Variants in MTOR observed in about 807,000 individuals in gnomAD.
MTOR encodes the protein mechanistic target of rapamycin kinase, also known as serine/threonine-protein kinase mTOR.
A neutral mutation model predicts 319.8 loss-of-function variants in MTOR; 70 were observed. That is an observed-to-expected ratio of 0.22 (90% CI 0.18 to 0.27). MTOR has a LOEUF of 0.27. Ranked by LOEUF, MTOR falls within the 10% of genes least tolerant of loss-of-function variation. MTOR has a pLI of 1.00. For synonymous variants in MTOR, 1,183 were observed against 1,211.4 expected (o/e 0.98, Z 0.49); for missense variants, 1,890 against 3,274.4 (o/e 0.58, Z 10.32).
chr1:11,193,411 C>T (rs113931487), intron 28 of MTOR, among the ~76,000 whole-genome samples: 3 of 152,338 alleles, frequency 2.0e-5, no homozygotes, highest in African/African-American at 7.2e-5. Context: ...ACCACCCACC[C>T]CAGCTCACCA....
At chr1:11,145,440 G>A (rs1050298907) in intron 32 of MTOR, among the ~76,000 whole-genome samples, 73 of 151,986 alleles carry the variant, frequency 4.8e-4, no homozygotes, top group African/African-American at 1.7e-3. Context: ...GCAGTGGTGT[G>A]ATCTTGGCTC....
chr1:11,188,599 C>T (rs1256607895), intron 28 of MTOR, among the ~76,000 whole-genome samples: 2 of 152,214 alleles, frequency 1.3e-5, no homozygotes, highest in African/African-American at 2.4e-5. Context: ...CTTGGCACTG[C>T]TGAGTTTTCA....
chr1:11,123,589 C>T (rs1330674351), intron 47 of MTOR, among the ~76,000 whole-genome samples: 1 of 152,126 alleles, frequency 6.6e-6, no homozygotes, highest in African/African-American at 2.4e-5. Flanking sequence ...CTGCCTCCAT[C>T]TCCCAAGGAG....
chr1:11,137,591 G>A (rs1013828149), intron 36 of MTOR, among the ~76,000 whole-genome samples: 2 of 152,158 alleles, frequency 1.3e-5, no homozygotes, highest in African/African-American at 4.8e-5. Context: ...ATAAATGAAG[G>A]ACCTGTCACT....
At position 11,128,095 on chromosome 1, in the gene MTOR, T is replaced by G. The variant is rs567800666; in HGVS notation, c.5942A>C (p.Lys1981Thr). The change falls in exon 43 of 58, where the codon AAG becomes ACG. Residue 1981 changes from lysine to threonine, a missense_variant. By Grantham distance (78) the Lys-to-Thr change is moderately conservative. Transcript: ENST00000361445. The surrounding 1 kb of genome is among the most constrained non-coding windows in gnomAD (Gnocchi z 5.3). ...ALIYPLTVAS[K>T]STTTARHNAA... ...ATTGTGCCGGGCTGTCGTGGTAGACTTAGAAGCCACTGTCAGTGGGTAGAT... is the reference window on the plus strand; with the variant it reads ...ATTGTGCCGGGCTGTCGTGGTAGACGTAGAAGCCACTGTCAGTGGGTAGAT... The G allele has an allele frequency of 6.2e-7, 1 of 1,614,118 alleles. No homozygotes were observed. Among genetic ancestry groups the G allele is most frequent in the African/African-American group, 1.3e-5 (1 of 75,020 alleles).
intron 19 of MTOR, among the ~76,000 whole-genome samples, chr1:11,223,617 G>A (rs963131949): frequency 6.6e-5 from 10 of 151,922 alleles, no homozygotes; most frequent in Non-Finnish European, 1.3e-4. Flanking sequence ...AAAATTAAAG[G>A]TGGCCAATGA....
chr1:11,114,285 G>A (rs2100313854), intron 53 of MTOR, 33 bp downstream of exon 53: 1 of 1,610,984 alleles, frequency 6.2e-7, no homozygotes, highest in Non-Finnish European at 8.5e-7. Flanking sequence ...GTGAGCCACT[G>A]AGCTCAGCTC....
At chr1:11,113,272 C>A (rs192674700) in intron 53 of MTOR, among the ~76,000 whole-genome samples, 2 of 152,304 alleles carry the variant, frequency 1.3e-5, no homozygotes, top group Admixed American at 1.3e-4. Flanking sequence ...GTTTGCGTTT[C>A]TTATTAAAAT....
At chr1:11,174,886 C>T (rs1644934533) in intron 28 of MTOR, among the ~76,000 whole-genome samples, 1 of 152,206 alleles carries the variant, frequency 6.6e-6, no homozygotes, top group Admixed American at 6.5e-5. Context: ...GAGTACGTAA[C>T]ACCACAAACC....
In MTOR at chr1:11,118,228, A is replaced by ATTTTTTT. The variant is rs771785403; in HGVS notation, c.6934-1149_6934-1143dup. Among the ~76,000 whole-genome samples the ATTTTTTT allele has an allele frequency of 5.8e-5, 7 of 120,766 alleles. 1 individual carries two copies. The highest frequency in any genetic ancestry group is 2.4e-4 in the African/African-American group (6 of 25,148). 79.2% of individuals were successfully genotyped at this position (120,766 alleles called of 152,430 possible). A position where few individuals can be genotyped will look rare whatever the true frequency, so the allele number is the denominator to read the frequency against. ...ACGCCTTAAATTCCAAACTTAGTTA[A>ATTTTTTT]TTTTTTTTTTTTTTTTTTTTTTTTT... On this transcript the variant is annotated intron_variant, in intron 49 of 57. Coordinates refer to ENST00000361445, the MANE Select transcript of MTOR (RefSeq NM_004958.4).
chr1:11,107,021 A>G lies in MTOR; in HGVS notation c.*464T>C. The G allele has an allele frequency of 7.3e-7, 1 of 1,371,084 alleles. No individual in the cohort carries two copies. Among genetic ancestry groups the G allele is most frequent in the East Asian group, 3.4e-5 (1 of 29,452 alleles). The allele number at this position is 1,371,084 out of a possible 1,614,324, so 84.9% of individuals were successfully genotyped here. A position where few individuals can be genotyped will look rare whatever the true frequency, so the allele number is the denominator to read the frequency against. On this transcript the variant is annotated 3_prime_UTR_variant, in exon 58 of 58. Coordinates refer to ENST00000361445, the MANE Select transcript of MTOR (RefSeq NM_004958.4). The stretch of plus-strand genomic sequence containing the variant: ...TGGGATAGGTGGCAGGGGTGAGGTC[A>G]GCATCTTCTGTGTCTTTACAGTCTA...
At chr1:11,235,040 G>C (rs1647151699) in intron 13 of MTOR, among the ~76,000 whole-genome samples, 1 of 152,144 alleles carries the variant, frequency 6.6e-6, no homozygotes, top group South Asian at 2.1e-4. Flanking sequence ...TTTTGTCTTA[G>C]GTTACTGACT....
chr1:11,212,201 C>T lies in MTOR; in HGVS notation c.3561+111G>A. The T allele has an allele frequency of 7.4e-7, 1 of 1,356,744 alleles. No individual in the cohort carries two copies. Among genetic ancestry groups the T allele is most frequent in the Non-Finnish European group, 1.0e-6 (1 of 993,072 alleles). 84.0% of individuals were successfully genotyped at this position (1,356,744 alleles called of 1,614,324 possible). ...ATGAAAAGAAAAAAAGCAAGTAATT[C>T]CACGTTCTCTGATGGTGGCTGGCAT... On this transcript the variant is annotated intron_variant, in intron 23 of 57. Transcript: ENST00000361445. The surrounding 1 kb of genome is among the most constrained non-coding windows in gnomAD (Gnocchi z 4.1).
Position 11,219,178 on chromosome 1 carries a change from C to T in MTOR, c.3031-2944G>A, listed in dbSNP as rs143754961. On this transcript the variant is annotated intron_variant, in intron 19 of 57. Transcript: ENST00000361445. ...ACAGTGAGCTGAGATCATGTCACTG[C>T]GCTCCAGCCTGGGCAACAAAGTGAG... is the stretch of plus-strand genomic sequence containing the variant. Among the ~76,000 whole-genome samples the T allele has an allele frequency of 1.9e-3, 288 of 151,448 alleles. 3 individuals carry two copies. Among genetic ancestry groups the T allele is most frequent in the African/African-American group, 6.7e-3 (276 of 41,248 alleles).
chr1:11,130,488 G>A (rs1369015771), intron 39 of MTOR, 41 bp downstream of exon 39: 3 of 1,594,124 alleles, frequency 1.9e-6, no homozygotes, highest in Non-Finnish European at 2.6e-6. Flanking sequence ...AGAGAGCCTG[G>A]CACCTTGGTT....
Position 11,127,795 on chromosome 1 carries a change from C to A in MTOR, c.6045G>T (p.Glu2015Asp), listed in dbSNP as rs1642915683. The A allele has an allele frequency of 6.2e-7, 1 of 1,612,414 alleles. No individual in the cohort carries two copies. Among genetic ancestry groups the A allele is most frequent in the Non-Finnish European group, 8.5e-7 (1 of 1,179,274 alleles). Residue 2015 changes from glutamate to aspartate, a missense_variant, in exon 44 of 58, where the codon GAG becomes GAT. Glu to Asp is a conservative substitution (Grantham distance 45). Transcript: ENST00000361445. This position sits in a 1 kb window ranked among gnomAD's most constrained non-coding sequence, Gnocchi z 5.5. ...GCCAGAGGATGGCCACTCGGATCAG[C>A]TCCTCGCTCACCTGAAGCCAAGAGA... ...LVQQAMMVSE[E>D]LIRVAILWHE...
intron 1 of MTOR, among the ~76,000 whole-genome samples, chr1:11,259,773 T>C (rs1255548456): frequency 6.6e-6 from 1 of 152,002 alleles, no homozygotes; most frequent in Non-Finnish European, 1.5e-5. Flanking sequence ...TGAAAACCCA[T>C]CTCTATGAAA....
At chr1:11,203,913 A>T (rs1426522262) in intron 26 of MTOR, among the ~76,000 whole-genome samples, 1 of 152,186 alleles carries the variant, frequency 6.6e-6, no homozygotes, top group Admixed American at 6.5e-5. Context: ...ATGCTCTTCT[A>T]CTACCTCGTT....
chr1:11,240,940 C>A (rs939724960), intron 10 of MTOR, among the ~76,000 whole-genome samples: 2 of 151,898 alleles, frequency 1.3e-5, no homozygotes, highest in Non-Finnish European at 2.9e-5. Flanking sequence ...TTCCTATATG[C>A]CAGGCATGGT....
Sources: allele counts gnomAD v4.1 joint callset (sites outside exome capture counted in the v4.1 genomes callset), GRCh38; gene constraint gnomAD v4.1.1; non-coding constraint Gnocchi (gnomAD v3.1); transcripts MANE v1.5; gene names NCBI Gene and HGNC (gene_info 2026-07-23, HGNC 2026-07-21).